The following CACNA1D variants were observed in gnomAD, a reference collection of about 807,000 sequenced individuals.
CACNA1D encodes calcium voltage-gated channel subunit alpha1 D, also known as voltage-dependent L-type calcium channel subunit alpha-1D.
Under a neutral mutation model 257.1 loss-of-function variants are expected in CACNA1D, and 55 were observed. The observed-to-expected ratio is 0.21, with a 90% CI of 0.17 to 0.27. CACNA1D has a LOEUF of 0.27. CACNA1D is among the 10% of genes least tolerant of loss of function. CACNA1D has a pLI of 1.00. For synonymous variants in CACNA1D, 980 were observed against 1,014.9 expected, an observed-to-expected ratio of 0.97 and a Z score of 0.65; for missense variants, 1,876 against 2,784.0, an observed-to-expected ratio of 0.67 and a Z score of 7.34.
intron 3 of CACNA1D, among the ~76,000 whole-genome samples, chr3:53,591,535 T>C (rs1011984930): frequency 1.3e-5 from 2 of 152,132 alleles, no homozygotes; most frequent in African/African-American, 4.8e-5. Flanking sequence ...ATTACAGGGG[T>C]GAGCCACCAC....
chr3:53,591,718 T>A (rs931792831), intron 3 of CACNA1D, among the ~76,000 whole-genome samples: 1 of 152,212 alleles, frequency 6.6e-6, no homozygotes, highest in Non-Finnish European at 1.5e-5. Flanking sequence ...GTAAGAGCAA[T>A]GTTTCCTCTC....
chr3:53,575,077 G>C lies in CACNA1D; in HGVS notation c.483+73357G>C, dbSNP rs184049339. ...TTATGTGTGCCTCCAGGATGTGCCT[G>C]GCACATGGTTGGCCTGGGGTGTTTG... On this transcript the variant is annotated intron_variant, in intron 3 of 47. Transcript: ENST00000350061. 3.8e-4 allele frequency among the ~76,000 whole-genome samples: 58 copies of C among 152,342 alleles called. 1 individual carries two copies. Among genetic ancestry groups the C allele is most frequent in the African/African-American group, 1.4e-3 (57 of 41,590 alleles).
chr3:53,744,636 C>G, intron 22 of CACNA1D, 104 bp from the exon 23 acceptor site: 4 of 792,158 alleles, frequency 5.0e-6, no homozygotes, highest in Non-Finnish European at 9.2e-6. Context: ...CCCACGCTAA[C>G]TGTGCAGGGA....
chr3:53,525,121 A>G (rs1378356470), intron 3 of CACNA1D, among the ~76,000 whole-genome samples: 1 of 152,146 alleles, frequency 6.6e-6, no homozygotes, highest in African/African-American at 2.4e-5. Flanking sequence ...TTTGTAGGCA[A>G]TAGAGGAGAG....
chr3:53,717,754 G>T (rs2094835054), intron 9 of CACNA1D, among the ~76,000 whole-genome samples: 1 of 152,140 alleles, frequency 6.6e-6, no homozygotes, highest in Non-Finnish European at 1.5e-5. Flanking sequence ...TCAGCATCAG[G>T]TAAAATAGCA....
chr3:53,538,556 A>G (rs186478868), intron 3 of CACNA1D, among the ~76,000 whole-genome samples: 2 of 152,234 alleles, frequency 1.3e-5, no homozygotes, highest in East Asian at 1.9e-4. Context: ...ATTTTAGCAT[A>G]TTTACTGTGT....
rs1312654306 is a variant in CACNA1D at position 53,776,583 on chromosome 3, T to C, written c.4363-20T>C. ...ATCCAGCTGCAGCTGAAGTTCTTCC[T>C]TTCCTATTTGCTTTTTCAGATCATC... On this transcript the variant is annotated intron_variant, in intron 35 of 47. Transcript: ENST00000350061. 1 of 1,614,182 alleles carries C rather than the reference T, an allele frequency of 6.2e-7. No homozygotes were observed. Among genetic ancestry groups the C allele is most frequent in the Non-Finnish European group, 8.5e-7 (1 of 1,180,002 alleles).
chr3:53,600,344 C>T (rs1204423027), intron 3 of CACNA1D, among the ~76,000 whole-genome samples: 1 of 152,178 alleles, frequency 6.6e-6, no homozygotes, highest in African/African-American at 2.4e-5. Flanking sequence ...CAGAGGCATT[C>T]ATATAGTTGC....
At chr3:53,750,516 A>G (rs2095215973) in intron 27 of CACNA1D, among the ~76,000 whole-genome samples, 1 of 152,186 alleles carries the variant, frequency 6.6e-6, no homozygotes, top group Admixed American at 6.5e-5. Flanking sequence ...ACCCACTGGG[A>G]AATGTGAGAA....
chr3:53,515,942 C>T (rs1393610492), intron 3 of CACNA1D, among the ~76,000 whole-genome samples: 3 of 152,192 alleles, frequency 2.0e-5, no homozygotes, highest in Non-Finnish European at 4.4e-5. Context: ...TTCAGCCTTC[C>T]ACCGTATCAG....
In CACNA1D at chr3:53,673,540, G is replaced by A. The variant is rs554224998; in HGVS notation, c.1220+414G>A. On this transcript the variant is annotated intron_variant, in intron 8 of 47. Coordinates refer to ENST00000350061, the MANE Select transcript of CACNA1D (RefSeq NM_001128840.3). The surrounding 1 kb of genome is among the most constrained non-coding windows in gnomAD (Gnocchi z 4.1). The stretch of plus-strand genomic sequence containing the variant: ...TAGTCCCCATTTGTAGATTTCAGCC[G>A]CTGAGCTTGTCCTTATTTGCAGAAA... 3.7e-4 allele frequency among the ~76,000 whole-genome samples: 54 copies of A among 147,262 alleles called. No homozygotes were observed. Among genetic ancestry groups the A allele is most frequent in the Non-Finnish European group, 5.8e-4 (39 of 67,474 alleles).
intron 3 of CACNA1D, among the ~76,000 whole-genome samples, chr3:53,562,839 CA>C (rs907941738): frequency 2.6e-5 from 4 of 152,166 alleles, no homozygotes; most frequent in Admixed American, 2.0e-4. Flanking sequence ...ACTGTATGAA[CA>C]CATCCCATCC....
At chr3:53,570,859 C>T (rs2092930264) in intron 3 of CACNA1D, among the ~76,000 whole-genome samples, 1 of 152,198 alleles carries the variant, frequency 6.6e-6, no homozygotes, top group African/African-American at 2.4e-5. Flanking sequence ...AGGAAGGCTT[C>T]CTGGAAAAAG....
intron 3 of CACNA1D, among the ~76,000 whole-genome samples, chr3:53,564,022 C>T (rs1276181421): frequency 6.6e-6 from 1 of 152,160 alleles, no homozygotes. Flanking sequence ...TTTTTCCAAT[C>T]TAATGGTTCT....
chr3:53,739,236 C>T (rs1395227224), intron 20 of CACNA1D, among the ~76,000 whole-genome samples: 1 of 152,242 alleles, frequency 6.6e-6, no homozygotes, highest in Non-Finnish European at 1.5e-5. Context: ...CGTGTGTCCA[C>T]TCCCTGCTCC....
chr3:53,634,609 C>G (rs1239535805), intron 3 of CACNA1D, among the ~76,000 whole-genome samples: 1 of 152,146 alleles, frequency 6.6e-6, no homozygotes, highest in African/African-American at 2.4e-5. Flanking sequence ...ATCCTCCAGC[C>G]TTTGGTTTTT....
At chr3:53,627,759 T>C (rs1450352852) in intron 3 of CACNA1D, among the ~76,000 whole-genome samples, 1 of 152,126 alleles carries the variant, frequency 6.6e-6, no homozygotes, top group Non-Finnish European at 1.5e-5. Context: ...ATGTCTGTAA[T>C]CCCAGCACTT....
chr3:53,761,165 G>A (rs1328934246), intron 29 of CACNA1D, among the ~76,000 whole-genome samples: 1 of 152,160 alleles, frequency 6.6e-6, no homozygotes, highest in Non-Finnish European at 1.5e-5. Context: ...TCGAAGGATG[G>A]GAAGGACTCC....
intron 15 of CACNA1D, among the ~76,000 whole-genome samples, 159 bp downstream of exon 15, chr3:53,727,158 C>T (rs2094943391): frequency 6.6e-6 from 1 of 152,174 alleles, no homozygotes; most frequent in Non-Finnish European, 1.5e-5. Flanking sequence ...TTCCATGCTG[C>T]TGGGGGACAG....
Sources: allele counts gnomAD v4.1 joint callset (sites outside exome capture counted in the v4.1 genomes callset), GRCh38; gene constraint gnomAD v4.1.1; non-coding constraint Gnocchi (gnomAD v3.1); transcripts MANE v1.5; gene names NCBI Gene and HGNC (gene_info 2026-07-23, HGNC 2026-07-21).